The following ZC3H12B variants were observed in gnomAD, a reference collection of about 807,000 sequenced individuals.
The protein encoded by ZC3H12B is probable ribonuclease ZC3H12B.
A neutral mutation model predicts 43.9 loss-of-function variants in ZC3H12B; 7 were observed. The observed-to-expected ratio is 0.16, with a 90% CI of 0.09 to 0.30. The LOEUF is 0.30. ZC3H12B is among the 10% of genes least tolerant of loss of function. The pLI is 1.00. For missense variants in ZC3H12B, 475 were observed against 670.2 expected (o/e 0.71, Z 3.22); for synonymous variants, 222 against 241.7 (o/e 0.92, Z 0.76).
chrX:65,459,860 C>T (rs2067707391), intron 3 of ZC3H12B, among the ~76,000 whole-genome samples: 1 of 111,206 alleles, frequency 9.0e-6, no homozygotes, highest in South Asian at 3.8e-4. Context: ...CTGGCCAGGG[C>T]AATTAGGCAG....
chrX:65,280,185 C>A, the ZC3H12B span, among the ~76,000 whole-genome samples: 4 of 112,198 alleles, frequency 3.6e-5, no homozygotes, highest in African/African-American at 1.3e-4. Context: ...TTCAACCACA[C>A]ATTGGAGATT....
At chrX:65,444,770 C>T (rs2067353756) in intron 3 of ZC3H12B, among the ~76,000 whole-genome samples, 1 of 112,078 alleles carries the variant, frequency 8.9e-6, no homozygotes, top group African/African-American at 3.2e-5. Flanking sequence ...TTGGAACTTC[C>T]TAGAGACTGA....
At chrX:65,220,989 AT>A in the ZC3H12B span, among the ~76,000 whole-genome samples, 2 of 112,007 alleles carry the variant, frequency 1.8e-5, no homozygotes, top group African/African-American at 6.5e-5. Flanking sequence ...AAATGAAATT[AT>A]ATCAAGTACT....
At chrX:65,151,449 C>A in the ZC3H12B span, among the ~76,000 whole-genome samples, 3 of 111,801 alleles carry the variant, frequency 2.7e-5, no homozygotes, top group East Asian at 8.4e-4. Context: ...TATGTGACAT[C>A]ATCAAATTGT....
intron 2 of ZC3H12B, among the ~76,000 whole-genome samples, chrX:65,380,758 G>A (rs1413691818): frequency 4.5e-5 from 5 of 111,653 alleles, no homozygotes; most frequent in Non-Finnish European, 9.4e-5. Flanking sequence ...AAAGGATGGA[G>A]GAAGATCTAC....
the ZC3H12B span, among the ~76,000 whole-genome samples, chrX:65,291,535 G>T: frequency 8.9e-6 from 1 of 112,067 alleles, no homozygotes; most frequent in East Asian, 2.8e-4. Context: ...AAGTGAAATA[G>T]TCCAGTCACA....
chrX:65,457,527 G>A (rs1241060536), intron 3 of ZC3H12B, among the ~76,000 whole-genome samples: 1 of 90,183 alleles, frequency 1.1e-5, no homozygotes, highest in Non-Finnish European at 2.0e-5. Flanking sequence ...GGGAAGTGGG[G>A]AGCCCCTCTG....
intron 2 of ZC3H12B, among the ~76,000 whole-genome samples, chrX:65,388,371 C>G (rs897574442): frequency 8.9e-6 from 1 of 111,793 alleles, no homozygotes; most frequent in Non-Finnish European, 1.9e-5. Flanking sequence ...AACTTCTCTT[C>G]TTGCTTCATT....
chrX:65,088,937 A>T, the ZC3H12B span, among the ~76,000 whole-genome samples: 1 of 111,817 alleles, frequency 8.9e-6, no homozygotes, highest in African/African-American at 3.2e-5. Context: ...CAATTAACAC[A>T]TAGTATCTAC....
the ZC3H12B span, among the ~76,000 whole-genome samples, chrX:65,211,924 TATATA>T: frequency 3.4e-4 from 25 of 73,544 alleles, no homozygotes; most frequent in African/African-American, 8.0e-4. Flanking sequence ...TACTATATAA[TATATA>T]ATATATGTTA....
At chrX:65,264,649 GATT>G in the ZC3H12B span, among the ~76,000 whole-genome samples, 1 of 111,688 alleles carries the variant, frequency 9.0e-6, no homozygotes, top group Non-Finnish European at 1.9e-5. Context: ...AGAAGACAGA[GATT>G]ATTATTATTT....
the ZC3H12B span, among the ~76,000 whole-genome samples, chrX:65,081,901 A>C: frequency 8.9e-6 from 1 of 112,042 alleles, no homozygotes; most frequent in South Asian, 3.7e-4. Context: ...AGTCTCAAAA[A>C]ATTGAAATAA....
chrX:65,253,391 C>T, the ZC3H12B span, among the ~76,000 whole-genome samples: 3 of 112,199 alleles, frequency 2.7e-5, no homozygotes, highest in South Asian at 7.5e-4. Flanking sequence ...AACCCACGAC[C>T]CCCACAGACA....
chrX:65,203,173 C>T, the ZC3H12B span, among the ~76,000 whole-genome samples: 3 of 112,086 alleles, frequency 2.7e-5, no homozygotes, highest in East Asian at 8.5e-4. Flanking sequence ...GCCAGAAATG[C>T]CATACAGGAG....
chrX:65,231,654 A>G, the ZC3H12B span, among the ~76,000 whole-genome samples: 2 of 110,913 alleles, frequency 1.8e-5, no homozygotes, highest in East Asian at 5.7e-4. Context: ...TTGCACATCC[A>G]TCTATAGGTT....
the ZC3H12B span, among the ~76,000 whole-genome samples, chrX:65,299,437 C>G: frequency 9.0e-6 from 1 of 111,626 alleles, no homozygotes; most frequent in Non-Finnish European, 1.9e-5. Context: ...TTATTTAGCA[C>G]AAGTGGTATT....
the ZC3H12B span, among the ~76,000 whole-genome samples, chrX:65,255,291 A>C: frequency 4.5e-5 from 5 of 111,656 alleles, no homozygotes; most frequent in Non-Finnish European, 9.4e-5. Flanking sequence ...AAAAAACGTT[A>C]AGTCAGCTAG....
At chrX:65,119,270 T>C in the ZC3H12B span, among the ~76,000 whole-genome samples, 1 of 111,330 alleles carries the variant, frequency 9.0e-6, no homozygotes, top group African/African-American at 3.3e-5. Flanking sequence ...CCACCAACAG[T>C]GTAAAAGTGT....
chrX:65,387,032 C>A (rs991464614), intron 2 of ZC3H12B, among the ~76,000 whole-genome samples: 76 of 111,703 alleles, frequency 6.8e-4, no homozygotes, highest in African/African-American at 2.4e-3. Context: ...AATTTCTGTT[C>A]TTTTACATGT....
Sources: allele counts gnomAD v4.1 joint callset (sites outside exome capture counted in the v4.1 genomes callset), GRCh38; gene constraint gnomAD v4.1.1; transcripts MANE v1.5; gene names NCBI Gene and HGNC (gene_info 2026-07-23, HGNC 2026-07-21).